TMPRSS15: variants seen among roughly 807,000 people sequenced by gnomAD.
TMPRSS15 encodes the protein enteropeptidase.
TMPRSS15 carries 128 observed loss-of-function variants against 125.3 expected under a neutral mutation model. The ratio of observed to expected loss-of-function variants is 1.02; its 90% CI spans 0.89 to 1.18. The LOEUF (loss-of-function observed/expected upper bound fraction) is 1.18, where lower values mean the gene tolerates loss of function less well. Among genes scored for constraint, TMPRSS15 ranks in the 50% most tolerant of loss-of-function variants. TMPRSS15 has a pLI of 0.00. For missense variants in TMPRSS15, 1,283 were observed against 1,212.7 expected, an observed-to-expected ratio of 1.06 and a Z score of -0.86; for synonymous variants, 446 against 423.2, an observed-to-expected ratio of 1.05 and a Z score of -0.66.
intron 16 of TMPRSS15, among the ~76,000 whole-genome samples, chr21:18,324,975 C>A (rs571229065): frequency 6.6e-6 from 1 of 152,032 alleles, no homozygotes; most frequent in Non-Finnish European, 1.5e-5. Flanking sequence ...AATCAAGAAA[C>A]AAAATCAGTG....
At chr21:18,402,260 G>T (rs933620637) in intron 1 of TMPRSS15, among the ~76,000 whole-genome samples, 1 of 152,032 alleles carries the variant, frequency 6.6e-6, no homozygotes, top group Non-Finnish European at 1.5e-5. Context: ...GGAAAGATAC[G>T]GTGGCTCATG....
chr21:18,464,727 GA>G (rs1031881097), intron 1 of TMPRSS15, among the ~76,000 whole-genome samples: 28 of 152,182 alleles, frequency 1.8e-4, no homozygotes, highest in African/African-American at 6.7e-4. Context: ...TCAAATCCCT[GA>G]ATAGACCAAT....
At chr21:18,283,516 G>A (rs541270574) in intron 21 of TMPRSS15, among the ~76,000 whole-genome samples, 6 of 151,386 alleles carry the variant, frequency 4.0e-5, no homozygotes, top group African/African-American at 9.7e-5. Flanking sequence ...CCAATGTATT[G>A]TAATAGTATT....
chr21:18,370,290 C>T lies in TMPRSS15; in HGVS notation c.664+1903G>A, dbSNP rs1218733885. On this transcript the variant is annotated intron_variant, in intron 6 of 24. Transcript: ENST00000284885. ...ATTTTTATATGCACTGATATTAGTTCATCATGAAAATTATGAACTCCATGA... is the reference window on the plus strand; with the variant it reads ...ATTTTTATATGCACTGATATTAGTTTATCATGAAAATTATGAACTCCATGA... Among the ~76,000 whole-genome samples the T allele has an allele frequency of 2.6e-5, 4 of 152,140 alleles. No individual in the cohort carries two copies. In the East Asian group the frequency reaches 5.8e-4, roughly 22 times the overall value.
At chr21:18,444,542 G>T (rs1411484114) in intron 1 of TMPRSS15, among the ~76,000 whole-genome samples, 3 of 152,068 alleles carry the variant, frequency 2.0e-5, no homozygotes, top group Admixed American at 2.0e-4. Flanking sequence ...TAGATGACGG[G>T]TTGATGGGTG....
chr21:18,280,489 T>C (rs1223790622), intron 22 of TMPRSS15, among the ~76,000 whole-genome samples: 1 of 150,738 alleles, frequency 6.6e-6, no homozygotes, highest in Non-Finnish European at 1.5e-5. Flanking sequence ...GACAGGAGAA[T>C]TGCTTGAACC....
intron 16 of TMPRSS15, among the ~76,000 whole-genome samples, chr21:18,323,118 T>C (rs546928167): frequency 4.6e-5 from 7 of 151,618 alleles, no homozygotes; most frequent in Admixed American, 2.6e-4. Context: ...AAGTCTTTTC[T>C]CCTTTCTCAT....
chr21:18,325,662 G>A (rs1224206216), intron 16 of TMPRSS15, among the ~76,000 whole-genome samples: 1 of 151,858 alleles, frequency 6.6e-6, no homozygotes, highest in East Asian at 1.9e-4. Context: ...CTGTTTTTCT[G>A]ACATATTTGC....
At chr21:18,453,992 G>A (rs1316571036) in intron 1 of TMPRSS15, among the ~76,000 whole-genome samples, 2 of 152,146 alleles carry the variant, frequency 1.3e-5, no homozygotes, top group Non-Finnish European at 2.9e-5. Context: ...GGGGCTAAGG[G>A]TAACAAGCAA....
At chr21:18,419,387 A>T (rs1006144949) in intron 1 of TMPRSS15, among the ~76,000 whole-genome samples, 1 of 151,702 alleles carries the variant, frequency 6.6e-6, no homozygotes, top group Non-Finnish European at 1.5e-5. Context: ...CACCACGCCC[A>T]GCTAATTTTT....
chr21:18,352,716 T>C (rs1356328051), intron 10 of TMPRSS15, among the ~76,000 whole-genome samples, 187 bp downstream of exon 10: 1 of 151,996 alleles, frequency 6.6e-6, no homozygotes, highest in Non-Finnish European at 1.5e-5. Flanking sequence ...ATATATTTCT[T>C]GAAACACACT....
intron 16 of TMPRSS15, among the ~76,000 whole-genome samples, chr21:18,317,423 A>G (rs1342164696): frequency 7.5e-6 from 1 of 133,768 alleles, no homozygotes; most frequent in Non-Finnish European, 1.6e-5. Context: ...TATTGAATAG[A>G]GTATTTGAGG....
chr21:18,304,261 A>ATGTG (rs779499426), intron 18 of TMPRSS15, among the ~76,000 whole-genome samples: 1 of 151,720 alleles, frequency 6.6e-6, no homozygotes, highest in African/African-American at 2.4e-5. Flanking sequence ...GTTGTTTGAT[A>ATGTG]TGTGTGTGTG....
intron 1 of TMPRSS15, among the ~76,000 whole-genome samples, chr21:18,402,545 A>G (rs955018511): frequency 3.3e-5 from 5 of 150,506 alleles, no homozygotes; most frequent in African/African-American, 1.2e-4. Context: ...AAAAAAAAAA[A>G]GAGAGAATTT....
chr21:18,408,286 A>T (rs1261884183), upstream of TMPRSS15, among the ~76,000 whole-genome samples: 5 of 152,182 alleles, frequency 3.3e-5, no homozygotes, highest in Admixed American at 2.0e-4. Flanking sequence ...CTTCTGTGAA[A>T]TTTCATTCAC....
intron 24 of TMPRSS15, among the ~76,000 whole-genome samples, chr21:18,271,354 T>TA (rs1174944972): frequency 1.3e-5 from 2 of 152,354 alleles, no homozygotes; most frequent in Non-Finnish European, 2.9e-5. Flanking sequence ...CTTGTTTTTT[T>TA]ACATATCTTC....
chr21:18,406,128 G>C (rs2076151097), upstream of TMPRSS15, among the ~76,000 whole-genome samples: 1 of 152,118 alleles, frequency 6.6e-6, no homozygotes, highest in Admixed American at 6.6e-5. Flanking sequence ...AGAGATGGAG[G>C]GTGATAAAGC....
intron 1 of TMPRSS15, among the ~76,000 whole-genome samples, chr21:18,440,360 G>A (rs1346408259): frequency 5.8e-5 from 2 of 34,494 alleles, no homozygotes; most frequent in Non-Finnish European, 1.3e-4. Flanking sequence ...GCGACAGAGC[G>A]AAACTCCGTC....
At chr21:18,304,500 C>T (rs2075008593) in intron 18 of TMPRSS15, among the ~76,000 whole-genome samples, 1 of 152,144 alleles carries the variant, frequency 6.6e-6, no homozygotes, top group East Asian at 1.9e-4. Flanking sequence ...TTCATGATAA[C>T]ATGTAGGAGG....
Sources: gnomAD v4.1 joint callset for allele counts (sites outside exome capture counted in the v4.1 genomes callset) on GRCh38, gnomAD v4.1.1 for gene constraint, MANE v1.5 for transcripts, NCBI Gene and HGNC (gene_info 2026-07-23, HGNC 2026-07-21) for gene names.